SF3B3: variants seen among roughly 807,000 people sequenced by gnomAD.
SF3B3 encodes splicing factor 3b subunit 3.
SF3B3 carries 33 observed loss-of-function variants against 139.2 expected under a neutral mutation model. The ratio of observed to expected loss-of-function variants is 0.24; its 90% CI spans 0.18 to 0.32. SF3B3 has a LOEUF of 0.32. Ranked by LOEUF, SF3B3 falls within the 10% of genes least tolerant of loss-of-function variation. The pLI is 1.00. For synonymous variants in SF3B3, 596 were observed against 563.6 expected (o/e 1.06, Z -0.81); for missense variants, 818 against 1,509.4 (o/e 0.54, Z 7.59).
Position 70,544,546 on chromosome 16 carries a change from T to C in SF3B3, c.1329+13T>C. 1 of 1,502,256 alleles carries C rather than the reference T, an allele frequency of 6.7e-7. No individual in the cohort carries two copies. The highest frequency in any genetic ancestry group is 9.3e-7 in the Non-Finnish European group (1 of 1,078,246). The allele number at this position is 1,502,256 out of a possible 1,614,324, so 93.1% of individuals were successfully genotyped here. A position where few individuals can be genotyped will look rare whatever the true frequency, so the allele number is the denominator to read the frequency against. ...ACATGGACTTGAGGTAAGGTTGCAA[T>C]TTCTAGATAATCTGCAGGGTTTGGA... On this transcript the variant is annotated intron_variant, in intron 10 of 25. Transcript: ENST00000302516.
chr16:70,571,339 C>A, intron 25 of SF3B3, 140 bp downstream of exon 25: 1 of 649,838 alleles, frequency 1.5e-6, no homozygotes, highest in Non-Finnish European at 2.7e-6. Context: ...CTGCTTCTGC[C>A]AATCTGAACT....
In SF3B3 at chr16:70,541,885, G is replaced by A. The variant is rs757593837; in HGVS notation, c.1233+51G>A. On this transcript the variant is annotated intron_variant, in intron 9 of 25. Coordinates refer to ENST00000302516, the MANE Select transcript of SF3B3 (RefSeq NM_012426.5). ...CACAATAGATCTAAAGTTAAACTGAGGTCTAGTCTAAGAAATAGCTTTATT... is the reference window on the plus strand; with the variant it reads ...CACAATAGATCTAAAGTTAAACTGAAGTCTAGTCTAAGAAATAGCTTTATT... 8 of 1,483,016 alleles carry A rather than the reference G, an allele frequency of 5.4e-6. No individual in the cohort carries two copies. The South Asian group carries it at 6.3e-5, about 12-fold the overall frequency. The allele number at this position is 1,483,016 out of a possible 1,614,324, so 91.9% of individuals were successfully genotyped here.
At chr16:70,554,646 G>T in intron 12 of SF3B3, 49 bp downstream of exon 12, 1 of 1,598,612 alleles carries the variant, frequency 6.3e-7, no homozygotes, top group Non-Finnish European at 8.6e-7. Context: ...TTCTTTCTTG[G>T]CCTTCATTGT....
chr16:70,564,690 A>G (rs1247884347), intron 18 of SF3B3, among the ~76,000 whole-genome samples: 1 of 152,250 alleles, frequency 6.6e-6, no homozygotes, highest in Non-Finnish European at 1.5e-5. Context: ...ACCACGTAGA[A>G]CTGTATCCAT....
intron 6 of SF3B3, among the ~76,000 whole-genome samples, chr16:70,537,508 A>T (rs140237245): frequency 6.6e-6 from 1 of 152,236 alleles, no homozygotes; most frequent in African/African-American, 2.4e-5. Context: ...TGGATTATTT[A>T]TTTGCTGTTA....
chr16:70,548,460 A>G lies in SF3B3; in HGVS notation c.1402+18A>G, dbSNP rs759411108. 1.1e-5 allele frequency: 17 copies of G among 1,608,666 alleles called. No homozygotes were observed. In the African/African-American group the frequency reaches 1.2e-4, roughly 11 times the overall value. Reference sequence around the variant, plus strand: ...CATTGAAGGTAAGCAGCTTTTTCCCAATAGTCAAAATGAGGATCTAGGTGC... The same window carrying G: ...CATTGAAGGTAAGCAGCTTTTTCCCGATAGTCAAAATGAGGATCTAGGTGC... On this transcript the variant is annotated intron_variant, in intron 11 of 25. Transcript: ENST00000302516.
In SF3B3 at chr16:70,523,930, T is replaced by TA. The variant is rs1361894424; in HGVS notation, c.-71+9dup. ...CCACACCATCCTTCTCGCTGCAGGG[T>TA]AAAAAAACAGCCTGGAGACTTCCCC... On this transcript the variant is annotated splice_region_variant and intron_variant, in intron 1 of 25. Transcript: ENST00000302516. 8 of 437,378 alleles carry TA rather than the reference T, an allele frequency of 1.8e-5. No individual in the cohort carries two copies. The highest frequency in any genetic ancestry group is 8.3e-5 in the African/African-American group (4 of 48,360). The allele number at this position is 437,378 out of a possible 1,614,324, so 27.1% of individuals were successfully genotyped here.
chr16:70,555,203 T>C lies in SF3B3; in HGVS notation c.1707T>C (p.Asp569=). 6.2e-7 allele frequency: 1 copy of C among 1,613,656 alleles called. No individual in the cohort carries two copies. The highest frequency in any genetic ancestry group is 8.5e-7 in the Non-Finnish European group (1 of 1,179,630). The change falls in exon 13 of 26, where the codon GAT becomes GAC. Residue 569 remains aspartate (D), a synonymous_variant. Transcript: ENST00000302516. ...GAGAGCTGGTCTATTTCGAGATGGATCCTGTATGTTATTTTATCATTCACT... is the reference window on the plus strand; with the variant it reads ...GAGAGCTGGTCTATTTCGAGATGGACCCTGTATGTTATTTTATCATTCACT... ...TGGELVYFEM[D]PSGQLNEYTE...
At chr16:70,558,179 A>G (rs1240772784) in intron 15 of SF3B3, among the ~76,000 whole-genome samples, 1 of 152,196 alleles carries the variant, frequency 6.6e-6, no homozygotes, top group Non-Finnish European at 1.5e-5. Context: ...GGTGGGTAGA[A>G]TTAGACCATG....
rs2050529864 is a variant in SF3B3, at chr16:70,571,571, TAA to T, written c.3514-97_3514-96del. 35 of 1,332,506 alleles carry T rather than the reference TAA, an allele frequency of 2.6e-5. No homozygotes were observed. In the South Asian group the frequency reaches 5.0e-4, roughly 19 times the overall value. 82.5% of individuals were successfully genotyped at this position (1,332,506 alleles called of 1,614,324 possible). A position where few individuals can be genotyped will look rare whatever the true frequency, so the allele number is the denominator to read the frequency against. ...TAGGGTGAGACCCTGTCTCAAAAAC[TAA>T]AAAATAAAAACAGCTTTCCCTACAA... On this transcript the variant is annotated intron_variant, in intron 25 of 25. Coordinates refer to ENST00000302516, the MANE Select transcript of SF3B3 (RefSeq NM_012426.5).
chr16:70,565,942 G>A (rs1182191075), intron 20 of SF3B3, among the ~76,000 whole-genome samples: 1 of 151,548 alleles, frequency 6.6e-6, no homozygotes, highest in African/African-American at 2.4e-5. Context: ...CATGGTGAAA[G>A]CCTGTCTCTA....
chr16:70,537,080 A>G (rs992961319), intron 6 of SF3B3, among the ~76,000 whole-genome samples: 11 of 152,098 alleles, frequency 7.2e-5, no homozygotes, highest in African/African-American at 2.7e-4. Context: ...AAGTGTTGGG[A>G]TTACAGGCGT....
rs202217605 is a variant in SF3B3 at position 70,567,513 on chromosome 16, T to C, written c.2929T>C (p.Leu977=). The C allele has an allele frequency of 1.9e-4, 306 of 1,613,932 alleles. 3 individuals carry two copies. In the Middle Eastern group the frequency reaches 2.3e-3, roughly 12 times the overall value. ...LRVYDLGKKK[L]LRKCENKHIA... ...TGTCTATGACCTGGGAAAGAAGAAG[T>C]TACTCCGAAAATGTGAGAATAAGGT... The change falls in exon 21 of 26, where the codon TTA becomes CTA. Residue 977 remains leucine, a synonymous_variant. Coordinates refer to ENST00000302516, the MANE Select transcript of SF3B3 (RefSeq NM_012426.5).
At chr16:70,553,788 C>CT (rs2151788285) in intron 11 of SF3B3, among the ~76,000 whole-genome samples, 1 of 152,308 alleles carries the variant, frequency 6.6e-6, no homozygotes, top group African/African-American at 2.4e-5. Flanking sequence ...AAAGCAAATT[C>CT]TAATAGGATT....
chr16:70,557,957 G>A (rs1052002156), intron 15 of SF3B3, among the ~76,000 whole-genome samples: 18 of 152,238 alleles, frequency 1.2e-4, no homozygotes, highest in African/African-American at 3.9e-4. Context: ...TTCCCCCAAT[G>A]TGGCTTTATA....
chr16:70,543,851 T>TC (rs11421276), intron 9 of SF3B3, among the ~76,000 whole-genome samples: 59,729 of 151,726 alleles, frequency 0.39, 12,321 homozygotes, highest in South Asian at 0.65. Context: ...TTTTTGTGTT[T>TC]TTTTTTTTAA....
chr16:70,568,991 C>T, intron 22 of SF3B3, 52 bp from the exon 23 acceptor site: 1 of 1,330,292 alleles, frequency 7.5e-7, no homozygotes, highest in African/African-American at 1.4e-5. Flanking sequence ...CTTGGTGACT[C>T]AGGTGAGCAG....
At chr16:70,555,711 A>G (rs747774102) in intron 13 of SF3B3, among the ~76,000 whole-genome samples, 4 of 152,174 alleles carry the variant, frequency 2.6e-5, no homozygotes, top group Non-Finnish European at 5.9e-5. Context: ...GAAAACTTCT[A>G]TATGGAAGGA....
intron 22 of SF3B3, among the ~76,000 whole-genome samples, 171 bp downstream of exon 22, chr16:70,568,666 C>CT (rs1270482236): frequency 6.6e-6 from 1 of 152,162 alleles, no homozygotes; most frequent in African/African-American, 2.4e-5. Context: ...TCTTACTAGT[C>CT]TTTTGGATTT....
Sources: gnomAD v4.1 joint callset for allele counts (sites outside exome capture counted in the v4.1 genomes callset) on GRCh38, gnomAD v4.1.1 for gene constraint, MANE v1.5 for transcripts, NCBI Gene and HGNC (gene_info 2026-07-23, HGNC 2026-07-21) for gene names.